IMMT: variants seen among roughly 807,000 people sequenced by gnomAD.
IMMT encodes the protein MICOS complex subunit MIC60.
In IMMT, 40 loss-of-function variants were observed where a neutral mutation model predicts 92.7. That is an observed-to-expected ratio of 0.43 (90% CI 0.34 to 0.56). The LOEUF (loss-of-function observed/expected upper bound fraction) is 0.56, where lower values mean the gene tolerates loss of function less well. Among genes scored for constraint, IMMT ranks in the 20% least tolerant of loss-of-function variants. The pLI is 0.03. For missense variants in IMMT, 831 were observed against 912.1 expected, an observed-to-expected ratio of 0.91 and a Z score of 1.14; for synonymous variants, 322 against 336.1, an observed-to-expected ratio of 0.96 and a Z score of 0.46.
intron 7 of IMMT, among the ~76,000 whole-genome samples, chr2:86,162,977 C>T (rs553279242): frequency 6.6e-6 from 1 of 152,226 alleles, no homozygotes; most frequent in East Asian, 1.9e-4. Context: ...AACCCTCTAA[C>T]ACTCTAATAC....
At position 86,181,375 on chromosome 2, in the gene IMMT, AAAG is replaced by A. The variant is rs1182296961; in HGVS notation, c.46-6_46-4del. Reference sequence around the variant, plus strand: ...ACAAACTTCCCACAGAGACAACTCTAAAGAAGGAAAACACATCACAACCAATAC... The same window carrying A: ...ACAAACTTCCCACAGAGACAACTCTAAAGGAAAACACATCACAACCAATAC... On this transcript the variant is annotated splice_region_variant and splice_polypyrimidine_tract_variant and intron_variant, in intron 1 of 14. Transcript: ENST00000410111. 6.2e-7 allele frequency: 1 copy of A among 1,611,296 alleles called. No individual in the cohort carries two copies. Among genetic ancestry groups the A allele is most frequent in the South Asian group, 1.1e-5 (1 of 90,970 alleles).
At chr2:86,174,309 G>A (rs1282984956) in intron 3 of IMMT, among the ~76,000 whole-genome samples, 1 of 152,118 alleles carries the variant, frequency 6.6e-6, no homozygotes, top group Non-Finnish European at 1.5e-5. Flanking sequence ...CATTTAAGAG[G>A]GCTGCCAGAT....
Position 86,181,403 on chromosome 2 carries a change from C to T in IMMT, c.46-31G>A, listed in dbSNP as rs772205547. 6 of 1,500,876 alleles carry T rather than the reference C, an allele frequency of 4.0e-6. No homozygotes were observed. The South Asian group carries it at 5.7e-5, about 14-fold the overall frequency. 93.0% of individuals were successfully genotyped at this position (1,500,876 alleles called of 1,614,324 possible). Reference sequence around the variant, plus strand: ...GAAGGAAAACACATCACAACCAATACAGTTAAAGGAAACTGGTAAGCTTTT... The same window carrying T: ...GAAGGAAAACACATCACAACCAATATAGTTAAAGGAAACTGGTAAGCTTTT... On this transcript the variant is annotated intron_variant, in intron 1 of 14. Coordinates refer to ENST00000410111, the MANE Select transcript of IMMT (RefSeq NM_006839.3).
At position 86,144,932 on chromosome 2, in the gene IMMT, A is replaced by G; in HGVS notation, c.1664-51T>C. On this transcript the variant is annotated intron_variant, in intron 14 of 14. Transcript: ENST00000410111. ...AACATTTTTCTCTCCATCTGACAACATACATCCACAGAACTGATGCACATT... is the reference window on the plus strand; with the variant it reads ...AACATTTTTCTCTCCATCTGACAACGTACATCCACAGAACTGATGCACATT... The G allele has an allele frequency of 3.3e-6, 5 of 1,536,372 alleles. No individual in the cohort carries two copies. The South Asian group carries it at 3.8e-5, about 12-fold the overall frequency.
intron 8 of IMMT, among the ~76,000 whole-genome samples, chr2:86,160,284 G>A (rs1676178659): frequency 6.6e-6 from 1 of 152,200 alleles, no homozygotes; most frequent in African/African-American, 2.4e-5. Flanking sequence ...TTCATGAGAA[G>A]TACTTAGTGC....
At chr2:86,191,344 C>CAA (rs35278001) in intron 1 of IMMT, among the ~76,000 whole-genome samples, 4,011 of 121,714 alleles carry the variant, frequency 0.033, 154 homozygotes, top group African/African-American at 0.096. Flanking sequence ...GACCCTATCT[C>CAA]AAAAAAAAAA....
At chr2:86,164,237 A>C (rs577385565) in intron 7 of IMMT, among the ~76,000 whole-genome samples, 6 of 151,196 alleles carry the variant, frequency 4.0e-5, no homozygotes, top group South Asian at 2.1e-4. Flanking sequence ...TTATATTTTT[A>C]GTAGAAACGG....
chr2:86,183,700 T>C (rs1049102789), intron 1 of IMMT, among the ~76,000 whole-genome samples: 2 of 152,182 alleles, frequency 1.3e-5, no homozygotes, highest in Non-Finnish European at 2.9e-5. Flanking sequence ...TCCAGAGACA[T>C]TTTATGTATA....
intron 4 of IMMT, among the ~76,000 whole-genome samples, chr2:86,171,872 C>A (rs1244158332): frequency 8.0e-6 from 1 of 125,200 alleles, no homozygotes; most frequent in Non-Finnish European, 1.8e-5. Flanking sequence ...ATTTTTTGCA[C>A]ACTTTGGGAG....
chr2:86,161,926 G>C, intron 8 of IMMT, 50 bp downstream of exon 8: 1 of 1,241,578 alleles, frequency 8.1e-7, no homozygotes, highest in Non-Finnish European at 1.2e-6. Context: ...CCGGCCCAAA[G>C]AAAGCCACCA....
chr2:86,145,778 A>G (rs116197318), intron 14 of IMMT, among the ~76,000 whole-genome samples: 3,313 of 152,238 alleles, frequency 0.022, 65 homozygotes, highest in Non-Finnish European at 0.034. Context: ...GAAGGCAAGC[A>G]TGGGACCACA....
intron 2 of IMMT, 119 bp downstream of exon 2, chr2:86,181,180 G>T: frequency 1.6e-6 from 1 of 638,356 alleles, no homozygotes; most frequent in Non-Finnish European, 2.8e-6. Flanking sequence ...GCAAAGCTTC[G>T]GTGTATGTAC....
At position 86,150,919 on chromosome 2, in the gene IMMT, T is replaced by A. The variant is rs1036563254; in HGVS notation, c.1401+378A>T. Among the ~76,000 whole-genome samples the A allele has an allele frequency of 2.6e-5, 3 of 116,248 alleles. No homozygotes were observed. The East Asian group carries it at 6.1e-4, about 23-fold the overall frequency. 76.3% of individuals were successfully genotyped at this position (116,248 alleles called of 152,430 possible). A position where few individuals can be genotyped will look rare whatever the true frequency, so the allele number is the denominator to read the frequency against. On this transcript the variant is annotated intron_variant, in intron 12 of 14. Transcript: ENST00000410111. The stretch of plus-strand genomic sequence containing the variant: ...ATATCCTAAAGCCAATGACTGTCAG[T>A]ATTTTTTTTTTTTTTTTGAGACAGT...
rs1184483144 is a variant in IMMT, at chr2:86,153,517, CCAAAA to C, written c.1177+38_1177+42del. On this transcript the variant is annotated intron_variant, in intron 11 of 14. Coordinates refer to ENST00000410111, the MANE Select transcript of IMMT (RefSeq NM_006839.3). ...CAAAAAGACTTTAGTCTCTTAATAC[CCAAAA>C]CAAAAGACTTTAAACATGAAATATA... The C allele has an allele frequency of 1.2e-5, 15 of 1,257,338 alleles. No homozygotes were observed. The Admixed American group carries it at 1.2e-4, about 10-fold the overall frequency. The allele number at this position is 1,257,338 out of a possible 1,614,324, so 77.9% of individuals were successfully genotyped here. A position where few individuals can be genotyped will look rare whatever the true frequency, so the allele number is the denominator to read the frequency against.
At chr2:86,170,626 A>G in intron 6 of IMMT, 123 bp downstream of exon 6, 2 of 647,806 alleles carry the variant, frequency 3.1e-6, no homozygotes, top group Non-Finnish European at 5.4e-6. Flanking sequence ...GCCACTAAAA[A>G]ACAACCGCAG....
chr2:86,194,951 C>A, intron 1 of IMMT: 1 of 231,376 alleles, frequency 4.3e-6, no homozygotes, highest in Non-Finnish European at 9.1e-6. Context: ...CAAGCCGCCG[C>A]TCCGCTCGTC....
intron 7 of IMMT, among the ~76,000 whole-genome samples, chr2:86,163,918 T>TGCAAC (rs1676463545): frequency 8.0e-6 from 1 of 125,528 alleles, no homozygotes; most frequent in Non-Finnish European, 1.6e-5. Context: ...GAGATCACGC[T>TGCAAC]ATTGCACTCC....
intron 1 of IMMT, among the ~76,000 whole-genome samples, chr2:86,191,747 C>CAAAA (rs572412565): frequency 1.0e-4 from 12 of 116,806 alleles, no homozygotes; most frequent in Non-Finnish European, 1.3e-4. Context: ...ACTAAAAATA[C>CAAAA]AAAAAAAAAA....
intron 1 of IMMT, among the ~76,000 whole-genome samples, chr2:86,188,061 T>C (rs963845231): frequency 1.3e-5 from 2 of 152,128 alleles, no homozygotes; most frequent in Non-Finnish European, 2.9e-5. Flanking sequence ...TGTTTTGAGA[T>C]GGAGTTTTGC....
Sources: gnomAD v4.1 joint callset for allele counts (sites outside exome capture counted in the v4.1 genomes callset) on GRCh38, gnomAD v4.1.1 for gene constraint, MANE v1.5 for transcripts, NCBI Gene and HGNC (gene_info 2026-07-23, HGNC 2026-07-21) for gene names.